The following SLC25A21 variants were observed in gnomAD, a reference collection of about 807,000 sequenced individuals.
The protein encoded by SLC25A21 is mitochondrial 2-oxodicarboxylate carrier.
A neutral mutation model predicts 43.8 loss-of-function variants in SLC25A21; 47 were observed. That is an observed-to-expected ratio of 1.07 (90% confidence interval 0.85 to 1.37). SLC25A21 has a LOEUF of 1.37. Ranked by LOEUF, SLC25A21 falls within the 40% of genes most tolerant of loss-of-function variation. The probability of loss-of-function intolerance (pLI) is 0.00; values close to 1 mark genes in which losing one functional copy is unlikely to be tolerated. For synonymous variants in SLC25A21, 131 were observed against 121.3 expected (o/e 1.08, Z -0.52); for missense variants, 352 against 350.2 (o/e 1.00, Z -0.04).
At chr14:36,720,588 C>A (rs1042946692) in intron 6 of SLC25A21, among the ~76,000 whole-genome samples, 1 of 152,250 alleles carries the variant, frequency 6.6e-6, no homozygotes, top group African/African-American at 2.4e-5. Flanking sequence ...TGTTCCACCA[C>A]AACTAGGAGC....
At chr14:37,050,720 A>G (rs1961685102) in intron 1 of SLC25A21, among the ~76,000 whole-genome samples, 1 of 152,244 alleles carries the variant, frequency 6.6e-6, no homozygotes, top group African/African-American at 2.4e-5. Context: ...CTAATACTCA[A>G]CAATGCAAAA....
intron 1 of SLC25A21, among the ~76,000 whole-genome samples, chr14:37,145,426 A>G (rs1402897136): frequency 7.0e-6 from 1 of 142,504 alleles, no homozygotes; most frequent in Non-Finnish European, 1.5e-5. Context: ...ATGAAGTGAA[A>G]TCTAAAATAC....
intron 1 of SLC25A21, among the ~76,000 whole-genome samples, chr14:37,061,244 TA>T (rs1961942289): frequency 6.6e-6 from 1 of 152,092 alleles, no homozygotes. Context: ...GTTCCACAAA[TA>T]AAGCACATTT....
At chr14:37,158,261 A>G (rs1294507588) in intron 1 of SLC25A21, among the ~76,000 whole-genome samples, 1 of 152,176 alleles carries the variant, frequency 6.6e-6, no homozygotes, top group Non-Finnish European at 1.5e-5. Flanking sequence ...TACCAAAACC[A>G]GAAAAGAACA....
chr14:36,937,364 C>G (rs1422064166), intron 1 of SLC25A21, among the ~76,000 whole-genome samples: 2 of 152,170 alleles, frequency 1.3e-5, no homozygotes, highest in African/African-American at 4.8e-5. Context: ...ACAAACAAAG[C>G]AAGGAGGAAA....
intron 2 of SLC25A21, among the ~76,000 whole-genome samples, chr14:36,862,472 A>G (rs1206623587): frequency 6.6e-6 from 1 of 152,210 alleles, no homozygotes; most frequent in Non-Finnish European, 1.5e-5. Flanking sequence ...ACATGGATGA[A>G]GCTGGAAACC....
intron 1 of SLC25A21, among the ~76,000 whole-genome samples, chr14:37,114,568 G>A (rs1440243105): frequency 1.3e-5 from 2 of 152,124 alleles, no homozygotes; most frequent in Middle Eastern, 3.4e-3. Context: ...TTTTTAAGAG[G>A]GAATAAACAA....
At chr14:36,851,285 T>C (rs1889726674) in intron 2 of SLC25A21, among the ~76,000 whole-genome samples, 1 of 152,180 alleles carries the variant, frequency 6.6e-6, no homozygotes. Flanking sequence ...GAGAGTTTGG[T>C]GAGCTCCTGT....
At position 36,723,417 on chromosome 14, in the gene SLC25A21, CT is replaced by C. The variant is rs377061818; in HGVS notation, c.438+2152del. ...CTTTGCTAAATTCTAAATAAAGTCA[CT>C]TTTAAAATATTTTATAATGCATCTA... On this transcript the variant is annotated intron_variant, in intron 6 of 9. Coordinates refer to ENST00000331299, the MANE Select transcript of SLC25A21 (RefSeq NM_030631.4). Among the ~76,000 whole-genome samples the C allele has an allele frequency of 1.9e-4, 29 of 152,266 alleles. No homozygotes were observed. The East Asian group carries it at 5.2e-3, about 27-fold the overall frequency.
At chr14:37,114,063 T>C (rs1431922117) in intron 1 of SLC25A21, among the ~76,000 whole-genome samples, 2 of 152,092 alleles carry the variant, frequency 1.3e-5, no homozygotes, top group Non-Finnish European at 2.9e-5. Flanking sequence ...CAAAAATGTA[T>C]AGCATGTTCT....
intron 3 of SLC25A21, among the ~76,000 whole-genome samples, chr14:36,775,866 C>G (rs74044977): frequency 0.043 from 6,620 of 152,192 alleles, 502 homozygotes; most frequent in African/African-American, 0.15. Context: ...CTAATACTTC[C>G]TTGACTCCTT....
chr14:37,086,460 C>A (rs1241706070), intron 1 of SLC25A21, among the ~76,000 whole-genome samples: 2 of 152,114 alleles, frequency 1.3e-5, no homozygotes, highest in African/African-American at 4.8e-5. Context: ...ATGAAATATT[C>A]TTTGGAACAT....
chr14:36,796,383 TTCTCTTTC>T (rs1887672021), intron 3 of SLC25A21, among the ~76,000 whole-genome samples: 1 of 100,282 alleles, frequency 1.0e-5, no homozygotes, highest in African/African-American at 3.8e-5. Context: ...ATTTCTCTCT[TTCTCTTTC>T]TTTCTCTTTC....
chr14:37,098,692 G>A (rs1185052790), intron 1 of SLC25A21: 1 of 150,714 alleles, frequency 6.6e-6, no homozygotes, highest in Non-Finnish European at 1.5e-5. Flanking sequence ...CTCCTTATAG[G>A]ACGATTAGAT....
At chr14:37,108,323 CA>C (rs970012040) in intron 1 of SLC25A21, among the ~76,000 whole-genome samples, 3 of 151,254 alleles carry the variant, frequency 2.0e-5, no homozygotes, top group Non-Finnish European at 3.0e-5. Context: ...TTTATTCTTA[CA>C]AAAAAAAATT....
rs759296234 is a variant in SLC25A21 at position 36,679,118 on chromosome 14, A to G, written c.*1540T>C. On this transcript the variant is annotated 3_prime_UTR_variant, in exon 10 of 10. Transcript: ENST00000331299. ...TCTATGCAGGCAGCGCTCTCATTGG[A>G]TGTAAGAATATTACCTGCAAGGATA... 5.1e-6 allele frequency: 5 copies of G among 985,408 alleles called. No homozygotes were observed. Among genetic ancestry groups the G allele is most frequent in the Non-Finnish European group, 6.0e-6 (5 of 829,928 alleles). 61.0% of individuals were successfully genotyped at this position (985,408 alleles called of 1,614,324 possible). A position where few individuals can be genotyped will look rare whatever the true frequency, so the allele number is the denominator to read the frequency against.
chr14:37,117,126 C>T (rs757876854), intron 1 of SLC25A21, among the ~76,000 whole-genome samples: 1 of 152,092 alleles, frequency 6.6e-6, no homozygotes. Flanking sequence ...GGCACTGTGA[C>T]TCATTTTATT....
chr14:37,008,754 A>T (rs1239380698), intron 1 of SLC25A21, among the ~76,000 whole-genome samples: 1 of 151,038 alleles, frequency 6.6e-6, no homozygotes, highest in Non-Finnish European at 1.5e-5. Flanking sequence ...GTTCCTTTTT[A>T]ATAGATTTTT....
At chr14:36,694,162 G>A (rs2139156872) in intron 7 of SLC25A21, among the ~76,000 whole-genome samples, 1 of 152,096 alleles carries the variant, frequency 6.6e-6, no homozygotes, top group South Asian at 2.1e-4. Context: ...AACATGCGGT[G>A]TTTGGTTTTC....
Sources: allele counts gnomAD v4.1 joint callset (sites outside exome capture counted in the v4.1 genomes callset), GRCh38; gene constraint gnomAD v4.1.1; transcripts MANE v1.5; gene names NCBI Gene and HGNC (gene_info 2026-07-23, HGNC 2026-07-21).